The following TAFA5 variants were observed in gnomAD, a reference collection of about 807,000 sequenced individuals.
TAFA5 encodes the protein TAFA chemokine like family member 5, also known as chemokine-like protein TAFA-5.
A neutral mutation model predicts 15.3 loss-of-function variants in TAFA5; 6 were observed. The observed-to-expected ratio is 0.39, with a 90% CI of 0.21 to 0.77. The LOEUF (loss-of-function observed/expected upper bound fraction) is 0.77. TAFA5 is among the 30% of genes least tolerant of loss of function. TAFA5 has a pLI of 0.41. For synonymous variants in TAFA5, 103 were observed against 80.7 expected (o/e 1.28, Z -1.48); for missense variants, 161 against 193.1 (o/e 0.83, Z 0.98).
chr22:48,534,441 A>G lies in TAFA5; in HGVS notation c.112+44737A>G, dbSNP rs59656437. Among the ~76,000 whole-genome samples, 2,964 of 152,190 alleles carry G rather than the reference A, an allele frequency of 0.019. 161 individuals are homozygous for G. In the East Asian group the frequency reaches 0.21, roughly 11 times the overall value. On this transcript the variant is annotated intron_variant, in intron 1 of 3. Transcript: ENST00000402357. ...GGGGTAACCCTGCATGGCCAGCTCT[A>G]GGACTGAGGAGTGTGGAGGCAGAGA... is the stretch of plus-strand genomic sequence containing the variant.
intron 1 of TAFA5, among the ~76,000 whole-genome samples, chr22:48,501,740 G>T (rs1920953225): frequency 6.6e-6 from 1 of 152,188 alleles, no homozygotes; most frequent in Admixed American, 6.5e-5. Context: ...GAGGCCCCAG[G>T]GGTGTGGCGG....
intron 1 of TAFA5, among the ~76,000 whole-genome samples, chr22:48,514,255 G>T (rs983261868): frequency 6.6e-6 from 1 of 152,198 alleles, no homozygotes; most frequent in Admixed American, 6.5e-5. Context: ...AATAAGTTTT[G>T]GGAGGTGGTG....
At chr22:48,656,592 A>G (rs187573129) in intron 2 of TAFA5, among the ~76,000 whole-genome samples, 16 of 152,288 alleles carry the variant, frequency 1.1e-4, no homozygotes, top group Admixed American at 2.6e-4. Context: ...CACACTAAAA[A>G]AAGAAGAGTA....
At chr22:48,745,363 T>G (rs1261363905) in intron 3 of TAFA5, among the ~76,000 whole-genome samples, 9 of 143,388 alleles carry the variant, frequency 6.3e-5, no homozygotes, top group South Asian at 2.3e-4. Flanking sequence ...GGCTTTGTCG[T>G]CGGCGGCTGG....
In TAFA5 at chr22:48,530,572, C is replaced by T. The variant is rs1221876878; in HGVS notation, c.112+40868C>T. 1.3e-5 allele frequency among the ~76,000 whole-genome samples: 2 copies of T among 152,180 alleles called. No homozygotes were observed. The highest frequency in any genetic ancestry group is 2.9e-5 in the Non-Finnish European group (2 of 68,040). ...GTGGACAGGGCTCCTCCCGTCTCCT[C>T]CCCTGCTAGAGGGTGGGCAAGAAAC... On this transcript the variant is annotated intron_variant, in intron 1 of 3. Transcript: ENST00000402357. This position sits in a 1 kb window ranked among gnomAD's most constrained non-coding sequence, Gnocchi z 6.0.
At chr22:48,637,884 TCTC>T (rs1926508292) in intron 1 of TAFA5, among the ~76,000 whole-genome samples, 1 of 151,990 alleles carries the variant, frequency 6.6e-6, no homozygotes, top group African/African-American at 2.4e-5. Context: ...GAATAGGTCT[TCTC>T]CTGTGTAAAG....
chr22:48,607,357 T>C (rs557156087), intron 1 of TAFA5, among the ~76,000 whole-genome samples: 18 of 128,128 alleles, frequency 1.4e-4, no homozygotes, highest in African/African-American at 2.8e-4. Context: ...AGATCTGTCC[T>C]GGGTTCTGAT....
At chr22:48,564,172 G>C (rs1923332706) in intron 1 of TAFA5, among the ~76,000 whole-genome samples, 1 of 152,234 alleles carries the variant, frequency 6.6e-6, no homozygotes, top group African/African-American at 2.4e-5. Flanking sequence ...TGTGAAAACG[G>C]AGGAAGACAA....
chr22:48,555,817 C>T (rs542062614), intron 1 of TAFA5, among the ~76,000 whole-genome samples: 21 of 152,130 alleles, frequency 1.4e-4, no homozygotes, highest in South Asian at 4.2e-4. Flanking sequence ...GCGCTGTGGC[C>T]GCTGGCTGGA....
intron 1 of TAFA5, among the ~76,000 whole-genome samples, chr22:48,583,915 TACACCACACACACACCAC>T (rs1425357402): frequency 2.6e-5 from 3 of 115,782 alleles, no homozygotes; most frequent in African/African-American, 6.8e-5. Flanking sequence ...ATAAACCTCA[TACACCACACACACACCAC>T]ACACCACACA....
At chr22:48,574,608 C>T (rs1331834227) in intron 1 of TAFA5, among the ~76,000 whole-genome samples, 2 of 152,192 alleles carry the variant, frequency 1.3e-5, no homozygotes, top group African/African-American at 4.8e-5. Flanking sequence ...ACATGCACCG[C>T]GGGCACCAGC....
At chr22:48,535,631 T>C (rs1199298744) in intron 1 of TAFA5, among the ~76,000 whole-genome samples, 2 of 150,390 alleles carry the variant, frequency 1.3e-5, no homozygotes, top group East Asian at 3.9e-4. Flanking sequence ...CACCGGCACA[T>C]GTGATGAGCA....
intron 2 of TAFA5, among the ~76,000 whole-genome samples, chr22:48,690,291 A>G (rs1015142504): frequency 6.6e-5 from 10 of 152,162 alleles, no homozygotes; most frequent in African/African-American, 2.4e-4. Flanking sequence ...GGAGACCCAC[A>G]GAGAACCACC....
At chr22:48,510,728 G>A (rs1028884231) in intron 1 of TAFA5, among the ~76,000 whole-genome samples, 5 of 152,198 alleles carry the variant, frequency 3.3e-5, no homozygotes, top group African/African-American at 1.2e-4. Context: ...TGCTCCCTGT[G>A]CTCTGAGCTC....
chr22:48,695,774 G>C (rs1258780431), intron 2 of TAFA5, among the ~76,000 whole-genome samples: 1 of 152,200 alleles, frequency 6.6e-6, no homozygotes. Context: ...TGAGAGATTG[G>C]CTGGGGCTTC....
intron 1 of TAFA5, among the ~76,000 whole-genome samples, chr22:48,518,336 C>T (rs929334624): frequency 6.6e-6 from 1 of 152,186 alleles, no homozygotes; most frequent in Non-Finnish European, 1.5e-5. Context: ...CCCCCAGAAT[C>T]CACATTCAGA....
rs1265008781 is a variant in TAFA5, at chr22:48,638,392, CA to C, written c.113-8204del. Reference sequence around the variant, plus strand: ...ACACTAAGCCCTGGGACACCGCACACAGGGGGGACCCCGACACTAAGCCCTG... The same window carrying C: ...ACACTAAGCCCTGGGACACCGCACACGGGGGGACCCCGACACTAAGCCCTG... On this transcript the variant is annotated intron_variant, in intron 1 of 3. Coordinates refer to ENST00000402357, the MANE Select transcript of TAFA5 (RefSeq NM_001082967.3). Among the ~76,000 whole-genome samples the C allele has an allele frequency of 1.3e-4, 10 of 77,764 alleles. No individual in the cohort carries two copies. The East Asian group carries it at 2.7e-3, about 21-fold the overall frequency. The allele number at this position is 77,764 out of a possible 152,430, so 51.0% of individuals were successfully genotyped here. A position where few individuals can be genotyped will look rare whatever the true frequency, so the allele number is the denominator to read the frequency against.
chr22:48,699,954 C>T (rs146951583), intron 2 of TAFA5, among the ~76,000 whole-genome samples: 3 of 152,274 alleles, frequency 2.0e-5, no homozygotes, highest in Non-Finnish European at 4.4e-5. Flanking sequence ...CCTCTTCTTC[C>T]TGTTGGAATT....
chr22:48,646,814 T>C, intron 2 of TAFA5, 68 bp downstream of exon 2: 1 of 1,498,018 alleles, frequency 6.7e-7, no homozygotes, highest in Non-Finnish European at 8.9e-7. Flanking sequence ...GCCTCTTCCC[T>C]GACGCGGCCC....
Sources: gnomAD v4.1 joint callset for allele counts (sites outside exome capture counted in the v4.1 genomes callset) on GRCh38, gnomAD v4.1.1 for gene constraint, Gnocchi (gnomAD v3.1) non-coding constraint, MANE v1.5 for transcripts, NCBI Gene and HGNC (gene_info 2026-07-23, HGNC 2026-07-21) for gene names.